LAMA2: variants seen among roughly 807,000 people sequenced by gnomAD.
LAMA2 encodes laminin subunit alpha-2.
A neutral mutation model predicts 364.8 loss-of-function variants in LAMA2; 269 were observed. The ratio of observed to expected loss-of-function variants is 0.74; its 90% CI spans 0.67 to 0.82. The LOEUF (loss-of-function observed/expected upper bound fraction) is 0.82. Among genes scored for constraint, LAMA2 ranks in the 40% least tolerant of loss-of-function variants. LAMA2 has a pLI of 0.00. For missense variants in LAMA2, 3,807 were observed against 3,873.2 expected (o/e 0.98, Z 0.45); for synonymous variants, 1,379 against 1,370.6 (o/e 1.01, Z -0.14).
chr6:128,918,576 G>A (rs949513854), intron 1 of LAMA2, among the ~76,000 whole-genome samples: 2 of 152,138 alleles, frequency 1.3e-5, no homozygotes, highest in African/African-American at 4.8e-5. Context: ...CCAACCTATT[G>A]TAGAACTAAA....
intron 28 of LAMA2, among the ~76,000 whole-genome samples, chr6:129,322,626 A>G (rs1775037940): frequency 6.6e-6 from 1 of 152,234 alleles, no homozygotes; most frequent in African/African-American, 2.4e-5. Flanking sequence ...ATTTTGCTAT[A>G]GAAAATATTC....
At chr6:129,377,477 C>T (rs1325843095) in intron 34 of LAMA2, among the ~76,000 whole-genome samples, 1 of 152,120 alleles carries the variant, frequency 6.6e-6, no homozygotes, top group East Asian at 1.9e-4. Context: ...AGAAATTCCA[C>T]ATGGAACTGG....
intron 3 of LAMA2, among the ~76,000 whole-genome samples, chr6:129,068,697 T>C (rs1338163653): frequency 6.6e-6 from 1 of 152,230 alleles, no homozygotes; most frequent in East Asian, 1.9e-4. Flanking sequence ...CCTATGCATG[T>C]TCTTACTCTG....
chr6:129,361,782 CCT>C (rs1777474879), intron 32 of LAMA2, among the ~76,000 whole-genome samples: 1 of 110,168 alleles, frequency 9.1e-6, no homozygotes, highest in Non-Finnish European at 2.0e-5. Flanking sequence ...TTAACAGTAA[CCT>C]TTTTTTTTTT....
Position 128,961,334 on chromosome 6 carries a change from T to TATAG in LAMA2, c.112+77980_112+77981insGATA, listed in dbSNP as rs1474035651. On this transcript the variant is annotated intron_variant, in intron 1 of 64. Transcript: ENST00000421865. ...AACTAATATGATATATATATATATA[T>TATAG]ATATATATATATATATATATATATA... is the stretch of plus-strand genomic sequence containing the variant. 7.1e-4 allele frequency among the ~76,000 whole-genome samples: 29 copies of TATAG among 40,750 alleles called. 1 individual carries two copies. Among genetic ancestry groups the TATAG allele is most frequent in the Non-Finnish European group, 8.4e-4 (19 of 22,652 alleles). 26.7% of individuals were successfully genotyped at this position (40,750 alleles called of 152,430 possible).
intron 12 of LAMA2, among the ~76,000 whole-genome samples, chr6:129,244,682 A>G (rs1438749404): frequency 6.6e-6 from 1 of 152,124 alleles, no homozygotes; most frequent in Non-Finnish European, 1.5e-5. Context: ...TCAATAGGTT[A>G]TCCCATCCTT....
intron 1 of LAMA2, among the ~76,000 whole-genome samples, chr6:128,957,816 C>G (rs1757004271): frequency 7.0e-6 from 1 of 143,188 alleles, no homozygotes. Flanking sequence ...GTATTCTTCC[C>G]AGGCTGTACT....
At position 129,163,332 on chromosome 6, in the gene LAMA2, A is replaced by AT. The variant is rs564468097; in HGVS notation, c.1207-2240dup. On this transcript the variant is annotated intron_variant, in intron 8 of 64. Transcript: ENST00000421865. ...TAATGTATCTTTAATTTACTAGCTG[A>AT]TTTTAAAATATTCTCATTAGGCCGG... Among the ~76,000 whole-genome samples, 200 of 152,112 alleles carry AT rather than the reference A, an allele frequency of 1.3e-3. 1 individual carries two copies. Among genetic ancestry groups the AT allele is most frequent in the African/African-American group, 4.3e-3 (178 of 41,488 alleles).
chr6:129,158,035 G>C (rs1479172182), intron 8 of LAMA2: 2 of 1,612,726 alleles, frequency 1.2e-6, no homozygotes, highest in Non-Finnish European at 1.7e-6. Context: ...TTGCTCTTTA[G>C]GTCTCGATGA....
At chr6:129,482,163 A>C (rs2571583) in intron 55 of LAMA2, among the ~76,000 whole-genome samples, 52,365 of 151,978 alleles carry the variant, frequency 0.34, 10,167 homozygotes, top group African/African-American at 0.54. Context: ...TAAAAATTAA[A>C]TGGGCATGGT....
intron 2 of LAMA2, among the ~76,000 whole-genome samples, chr6:129,053,772 G>A (rs56080127): frequency 6.4e-4 from 97 of 152,294 alleles, no homozygotes; most frequent in African/African-American, 2.3e-3. Context: ...CACTGAAGAG[G>A]TAATAAATGA....
chr6:128,900,827 C>T (rs1777042222), intron 1 of LAMA2, among the ~76,000 whole-genome samples: 1 of 152,088 alleles, frequency 6.6e-6, no homozygotes, highest in African/African-American at 2.4e-5. Context: ...ATGAAAACTC[C>T]CCTCTTTCAC....
At chr6:129,277,694 C>T (rs1315263905) in intron 17 of LAMA2, among the ~76,000 whole-genome samples, 1 of 152,134 alleles carries the variant, frequency 6.6e-6, no homozygotes, top group Non-Finnish European at 1.5e-5. Context: ...AAAACTGTGC[C>T]TGCCCTAACC....
intron 1 of LAMA2, among the ~76,000 whole-genome samples, chr6:129,042,337 T>G (rs1268203993): frequency 3.3e-5 from 5 of 152,088 alleles, no homozygotes; most frequent in Admixed American, 3.3e-4. Flanking sequence ...ATAAATTAAT[T>G]TAACATGTTT....
chr6:129,265,156 T>C (rs1373611044), intron 15 of LAMA2, among the ~76,000 whole-genome samples: 1 of 152,128 alleles, frequency 6.6e-6, no homozygotes, highest in Non-Finnish European at 1.5e-5. Context: ...AATATTTCTT[T>C]AGGAGGAAGG....
At chr6:129,119,042 C>T (rs1339832197) in intron 4 of LAMA2, among the ~76,000 whole-genome samples, 1 of 152,192 alleles carries the variant, frequency 6.6e-6, no homozygotes, top group Admixed American at 6.5e-5. Flanking sequence ...GGTCCAAAGA[C>T]AAAGAAAGTC....
chr6:129,055,845 T>TCCTG (rs1788443559), intron 2 of LAMA2, among the ~76,000 whole-genome samples: 1 of 152,250 alleles, frequency 6.6e-6, no homozygotes, highest in African/African-American at 2.4e-5. Flanking sequence ...GACTTGCATA[T>TCCTG]TTATCCCTGT....
At chr6:128,964,495 A>G (rs188625249) in intron 1 of LAMA2, among the ~76,000 whole-genome samples, 5 of 152,140 alleles carry the variant, frequency 3.3e-5, no homozygotes, top group Admixed American at 6.5e-5. Context: ...TTTGGCTCCA[A>G]TTTCATTCAT....
chr6:129,177,747 G>A lies in LAMA2; in HGVS notation c.1348G>A (p.Gly450Ser). 6.2e-7 allele frequency: 1 copy of A among 1,613,988 alleles called. No homozygotes were observed. The highest frequency in any genetic ancestry group is 8.5e-7 in the Non-Finnish European group (1 of 1,179,940). Residue 450 changes from glycine (G) to serine (S), a missense_variant, in exon 10 of 65, where the codon GGT becomes AGT. This residue lies in a region of LAMA2 where 3,333 missense variants were observed against 3,345.7 expected (regional missense o/e 1.00). Transcript: ENST00000421865. ...CTGTCATTGCAAAACTGGTTTTGGA[G>A]GTGTGAGCTGTGATCGGTGTGCCAG... ...GSCHCKTGFG[G>S]VSCDRCARGY...
Sources: gnomAD v4.1 joint callset for allele counts (sites outside exome capture counted in the v4.1 genomes callset) on GRCh38, gnomAD v4.1.1 for gene constraint, gnomAD v4.1.1 regional missense constraint, MANE v1.5 for transcripts, NCBI Gene and HGNC (gene_info 2026-07-23, HGNC 2026-07-21) for gene names.